UNC5D: variants seen among roughly 807,000 people sequenced by gnomAD.
The protein encoded by UNC5D is unc-5 netrin receptor D.
UNC5D carries 39 observed loss-of-function variants against 105.4 expected under a neutral mutation model. The ratio of observed to expected loss-of-function variants is 0.37; its 90% CI spans 0.29 to 0.48. The LOEUF is 0.48. UNC5D is among the 20% of genes least tolerant of loss of function. The probability of loss-of-function intolerance (pLI) is 0.98; values close to 1 mark genes in which losing one functional copy is unlikely to be tolerated. For synonymous variants in UNC5D, 452 were observed against 450.4 expected, an observed-to-expected ratio of 1.00 and a Z score of -0.04; for missense variants, 991 against 1,202.4, an observed-to-expected ratio of 0.82 and a Z score of 2.60.
At chr8:35,303,921 AG>A (rs1179912474) in intron 1 of UNC5D, among the ~76,000 whole-genome samples, 1 of 152,096 alleles carries the variant, frequency 6.6e-6, no homozygotes, top group Non-Finnish European at 1.5e-5. Flanking sequence ...AAACAGTCTA[AG>A]TTGTTTATCC....
At chr8:35,604,359 T>C (rs1230817328) in intron 4 of UNC5D, among the ~76,000 whole-genome samples, 1 of 152,250 alleles carries the variant, frequency 6.6e-6, no homozygotes. Context: ...TTTAAGAATG[T>C]GGAATATTGG....
chr8:35,567,756 G>A (rs1479282317), intron 2 of UNC5D, among the ~76,000 whole-genome samples: 1 of 152,094 alleles, frequency 6.6e-6, no homozygotes, highest in Non-Finnish European at 1.5e-5. Context: ...ATTTGTGGAG[G>A]CCTCTTTGGC....
At chr8:35,770,818 G>A (rs1664454152) in intron 15 of UNC5D, among the ~76,000 whole-genome samples, 1 of 152,198 alleles carries the variant, frequency 6.6e-6, no homozygotes. Context: ...AGTGTTGGAA[G>A]TTGGGGGATA....
At chr8:35,553,882 T>C (rs1453135574) in intron 2 of UNC5D, among the ~76,000 whole-genome samples, 1 of 152,188 alleles carries the variant, frequency 6.6e-6, no homozygotes, top group African/African-American at 2.4e-5. Flanking sequence ...GCCAGTCTAA[T>C]AGGAGTGAAT....
chr8:35,666,876 T>G (rs761711713), intron 4 of UNC5D, among the ~76,000 whole-genome samples: 18 of 152,180 alleles, frequency 1.2e-4, no homozygotes, highest in Admixed American at 6.6e-5. Flanking sequence ...GCCTAGAGTT[T>G]TGACACAGTG....
chr8:35,265,428 G>C (rs937031050), intron 1 of UNC5D, among the ~76,000 whole-genome samples: 1 of 152,114 alleles, frequency 6.6e-6, no homozygotes, highest in African/African-American at 2.4e-5. Flanking sequence ...GCTGGGAAAA[G>C]CAGCTATAGA....
intron 13 of UNC5D, among the ~76,000 whole-genome samples, chr8:35,754,305 C>T (rs1456088376): frequency 1.3e-5 from 2 of 152,164 alleles, no homozygotes; most frequent in African/African-American, 4.8e-5. Context: ...CTGGAATGTG[C>T]TTCAACTATC....
At chr8:35,635,010 C>T (rs1405121625) in intron 4 of UNC5D, among the ~76,000 whole-genome samples, 2 of 152,118 alleles carry the variant, frequency 1.3e-5, no homozygotes, top group Non-Finnish European at 2.9e-5. Context: ...AGGCGATCCA[C>T]CCGCCTTGGC....
chr8:35,242,065 T>C (rs1277620038), intron 1 of UNC5D, among the ~76,000 whole-genome samples: 1 of 152,148 alleles, frequency 6.6e-6, no homozygotes, highest in Non-Finnish European at 1.5e-5. Context: ...ATGCAAATAT[T>C]GACTTTCTGC....
At chr8:35,776,465 C>G (rs1345702927) in intron 16 of UNC5D, among the ~76,000 whole-genome samples, 1 of 152,166 alleles carries the variant, frequency 6.6e-6, no homozygotes, top group Non-Finnish European at 1.5e-5. Context: ...CAGTTTCTGA[C>G]CTTGCACGGT....
chr8:35,688,668 T>A (rs1488917480), intron 7 of UNC5D, among the ~76,000 whole-genome samples: 2 of 152,214 alleles, frequency 1.3e-5, no homozygotes, highest in East Asian at 3.9e-4. Flanking sequence ...ATGTAAGGAA[T>A]CTCAACACAA....
chr8:35,793,025 A>G lies in UNC5D; in HGVS notation c.*2462A>G, dbSNP rs1012044103. 6.6e-6 allele frequency: 3 copies of G among 454,458 alleles called. No homozygotes were observed. Among genetic ancestry groups the G allele is most frequent in the African/African-American group, 2.0e-5 (1 of 49,946 alleles). The allele number at this position is 454,458 out of a possible 1,614,324, so 28.2% of individuals were successfully genotyped here. ...CAACTTGAACATCATATCATATAGGATAACAAAGGAGGAAGTTAACTTAAT... is the reference window on the plus strand; with the variant it reads ...CAACTTGAACATCATATCATATAGGGTAACAAAGGAGGAAGTTAACTTAAT... On this transcript the variant is annotated 3_prime_UTR_variant, in exon 17 of 17. Coordinates refer to ENST00000404895, the MANE Select transcript of UNC5D (RefSeq NM_080872.4).
intron 3 of UNC5D, among the ~76,000 whole-genome samples, chr8:35,576,528 A>G (rs1014225098): frequency 1.3e-5 from 2 of 152,212 alleles, no homozygotes; most frequent in Non-Finnish European, 2.9e-5. Flanking sequence ...TAGGCAAGGA[A>G]TACATGTCTG....
At chr8:35,545,184 A>T (rs939462481) in intron 1 of UNC5D, among the ~76,000 whole-genome samples, 16 of 152,336 alleles carry the variant, frequency 1.1e-4, no homozygotes, top group African/African-American at 3.6e-4. Flanking sequence ...GAAGGAAAAA[A>T]AGCATTCATG....
intron 4 of UNC5D, among the ~76,000 whole-genome samples, chr8:35,646,277 C>G (rs1823045104): frequency 6.6e-6 from 1 of 151,890 alleles, no homozygotes; most frequent in African/African-American, 2.4e-5. Flanking sequence ...TTTTTTTCTA[C>G]AACATTAAAA....
chr8:35,765,766 T>C (rs1030858105), intron 14 of UNC5D, among the ~76,000 whole-genome samples: 1 of 152,224 alleles, frequency 6.6e-6, no homozygotes, highest in African/African-American at 2.4e-5. Flanking sequence ...CATGCTGGCT[T>C]CATCACCAGT....
intron 4 of UNC5D, among the ~76,000 whole-genome samples, chr8:35,641,387 A>G (rs1489103713): frequency 7.1e-4 from 99 of 139,362 alleles, no homozygotes; most frequent in African/African-American, 2.5e-3. Context: ...AAAAAAAAAG[A>G]AAAAAAAAAA....
chr8:35,456,492 A>T (rs1429459137), intron 1 of UNC5D, among the ~76,000 whole-genome samples: 2 of 152,218 alleles, frequency 1.3e-5, no homozygotes, highest in Non-Finnish European at 2.9e-5. Flanking sequence ...ATGCCTGAGC[A>T]GTTTAGCATT....
At chr8:35,678,787 C>T (rs1825453367) in intron 4 of UNC5D, among the ~76,000 whole-genome samples, 1 of 152,110 alleles carries the variant, frequency 6.6e-6, no homozygotes, top group African/African-American at 2.4e-5. Flanking sequence ...TTCCTCCTTG[C>T]ATCCTTTCTT....
Sources: allele counts gnomAD v4.1 joint callset (sites outside exome capture counted in the v4.1 genomes callset), GRCh38; gene constraint gnomAD v4.1.1; transcripts MANE v1.5; gene names NCBI Gene and HGNC (gene_info 2026-07-23, HGNC 2026-07-21).